EVL: variants seen among roughly 807,000 people sequenced by gnomAD.
The protein encoded by EVL is Enah/Vasp-like, also known as ena/VASP-like protein.
Under a neutral mutation model 59.6 loss-of-function variants are expected in EVL, and 21 were observed. The observed-to-expected ratio is 0.35, with a 90% confidence interval of 0.25 to 0.51. The LOEUF (loss-of-function observed/expected upper bound fraction) is 0.51. Ranked by LOEUF, EVL falls within the 20% of genes least tolerant of loss-of-function variation. The pLI is 0.97. For missense variants in EVL, 462 were observed against 546.6 expected (o/e 0.85, Z 1.54); for synonymous variants, 198 against 203.5 (o/e 0.97, Z 0.23).
chr14:100,072,435 A>G (rs552470428), intron 1 of EVL, among the ~76,000 whole-genome samples: 2 of 152,078 alleles, frequency 1.3e-5, no homozygotes, highest in African/African-American at 2.4e-5. Context: ...GGGTTTCACT[A>G]TGTTGGCCAG....
At chr14:100,064,155 C>T (rs2061885393), upstream of EVL, among the ~76,000 whole-genome samples, 2 of 152,210 alleles carry the variant, frequency 1.3e-5, no homozygotes. Flanking sequence ...AAAGTGCATT[C>T]ATCTCTCCAA....
intron 1 of EVL, among the ~76,000 whole-genome samples, chr14:100,037,227 C>T (rs763917109): frequency 3.9e-5 from 6 of 152,260 alleles, no homozygotes; most frequent in African/African-American, 7.2e-5. Context: ...AAGGGCAGTC[C>T]GTTGAAGAGC....
chr14:100,024,249 T>C (rs1378511793), intron 1 of EVL, among the ~76,000 whole-genome samples: 3 of 152,234 alleles, frequency 2.0e-5, no homozygotes, highest in Non-Finnish European at 2.9e-5. Context: ...TGTGATGGTT[T>C]TTCTTGCCCT....
chr14:100,135,443 A>C (rs560552620), intron 8 of EVL: 2 of 155,732 alleles, frequency 1.3e-5, no homozygotes, highest in Admixed American at 6.3e-5. Context: ...CATGCCATGC[A>C]TGATGAGTGT....
intron 3 of EVL, among the ~76,000 whole-genome samples, chr14:100,117,443 C>T (rs1350233752): frequency 6.6e-6 from 1 of 152,234 alleles, no homozygotes; most frequent in Non-Finnish European, 1.5e-5. Flanking sequence ...CTCTGTGCCC[C>T]GCTTGACCCT....
upstream of EVL, among the ~76,000 whole-genome samples, chr14:100,063,617 C>T (rs926181521): frequency 5.3e-5 from 8 of 152,188 alleles, no homozygotes; most frequent in South Asian, 2.1e-4. Flanking sequence ...ACCTTTCCCT[C>T]AGCAGTTGAT....
At chr14:100,061,086 G>C (rs1221235476), upstream of EVL, among the ~76,000 whole-genome samples, 1 of 151,858 alleles carries the variant, frequency 6.6e-6, no homozygotes, top group Non-Finnish European at 1.5e-5. Context: ...CAACTTACCT[G>C]TTGTACAGAA....
intron 1 of EVL, among the ~76,000 whole-genome samples, chr14:100,050,457 C>T (rs2061629540): frequency 6.6e-6 from 1 of 151,364 alleles, no homozygotes; most frequent in South Asian, 2.1e-4. Context: ...TCACGCCATT[C>T]TCCTGCCTCA....
intron 13 of EVL, among the ~76,000 whole-genome samples, chr14:100,142,785 T>C (rs116815490): frequency 0.058 from 8,871 of 152,272 alleles, 304 homozygotes; most frequent in Non-Finnish European, 0.075. Flanking sequence ...GCCTGGGCGA[T>C]AGGCAGGCAC....
rs1465600595 is a variant in EVL at position 100,038,605 on chromosome 14, T to C, written c.6-46082T>C. Among the ~76,000 whole-genome samples, 3 of 152,056 alleles carry C rather than the reference T, an allele frequency of 2.0e-5. No homozygotes were observed. In the East Asian group the frequency reaches 5.8e-4, roughly 29 times the overall value. On this transcript the variant is annotated intron_variant, in intron 1 of 13. Coordinates refer to the EVL transcript ENST00000402714. ...AACTTCTTTATTTTTAATAAGCTAG[T>C]TTTATTAATTGAAAAATTATTAACT...
At chr14:99,974,255 G>C (rs146368216) in intron 1 of EVL, 86 of 152,088 alleles carry the variant, frequency 5.7e-4, no homozygotes, top group African/African-American at 2.0e-3. Flanking sequence ...TAGAACTCTT[G>C]GTTTGCCATT....
chr14:100,113,844 G>A (rs1370010209), intron 3 of EVL, among the ~76,000 whole-genome samples: 4 of 152,158 alleles, frequency 2.6e-5, no homozygotes, highest in Non-Finnish European at 4.4e-5. Flanking sequence ...AGGGCACCGG[G>A]ACAGGCAAGT....
chr14:99,983,858 ATT>A (rs1285647059), intron 1 of EVL, among the ~76,000 whole-genome samples: 1 of 151,948 alleles, frequency 6.6e-6, no homozygotes, highest in Non-Finnish European at 1.5e-5. Context: ...TTTCCTGTTA[ATT>A]ACCTTTGTGA....
At position 100,132,678 on chromosome 14, in the gene EVL, C is replaced by T. The variant is rs751025079; in HGVS notation, c.840-41C>T. The T allele has an allele frequency of 5.8e-5, 93 of 1,603,244 alleles. No homozygotes were observed. In the Admixed American group the frequency reaches 9.5e-4, roughly 16 times the overall value. On this transcript the variant is annotated intron_variant, in intron 7 of 13. Coordinates refer to ENST00000392920, the MANE Select transcript of EVL (RefSeq NM_016337.3). ...GAAGAGTTCTGGGACAGTGAGAGAA[C>T]GTGAGGAGCTGATCTGTATCTTCCC...
Position 99,972,146 on chromosome 14 carries a change from A to C in EVL, c.5+89A>C. ...GGCCCGCGGTGCCCCCGAGGGCGGG[A>C]GGGGGGCTCCACGGGCGCGGGGGCT... On this transcript the variant is annotated intron_variant, in intron 1 of 13. Coordinates refer to the EVL transcript ENST00000402714. This position sits in a 1 kb window ranked among gnomAD's most constrained non-coding sequence, Gnocchi z 4.4. The C allele has an allele frequency of 1.2e-5, 3 of 249,644 alleles. No individual in the cohort carries two copies. Among genetic ancestry groups the C allele is most frequent in the Non-Finnish European group, 1.5e-5 (2 of 130,726 alleles). 15.5% of individuals were successfully genotyped at this position (249,644 alleles called of 1,614,324 possible).
chr14:100,000,553 T>C (rs1283701494), intron 1 of EVL, among the ~76,000 whole-genome samples: 2 of 152,136 alleles, frequency 1.3e-5, no homozygotes, highest in Non-Finnish European at 2.9e-5. Flanking sequence ...TTCACCGTTT[T>C]AGCCAGAATG....
intron 9 of EVL, chr14:100,137,213 G>A (rs1888853150): frequency 6.7e-6 from 2 of 297,746 alleles, no homozygotes; most frequent in African/African-American, 4.2e-5. Context: ...GCAGGTGCCG[G>A]GCCGAGGGGC....
In EVL at chr14:100,097,475, C is replaced by G. The variant is rs1885898879; in HGVS notation, c.181-6C>G. The G allele has an allele frequency of 6.3e-7, 1 of 1,599,516 alleles. No homozygotes were observed. Among genetic ancestry groups the G allele is most frequent in the Non-Finnish European group, 8.5e-7 (1 of 1,173,646 alleles). On this transcript the variant is annotated splice_region_variant and splice_polypyrimidine_tract_variant and intron_variant, in intron 2 of 13. Coordinates refer to ENST00000392920, the MANE Select transcript of EVL (RefSeq NM_016337.3). The stretch of plus-strand genomic sequence containing the variant: ...TACACGTATTTCTCTCTCCTTTCTC[C>G]TCCAGGTTGTGATCAATTATTCAAT...
chr14:100,081,513 C>CAAA (rs34871876), intron 1 of EVL, among the ~76,000 whole-genome samples: 1 of 122,424 alleles, frequency 8.2e-6, no homozygotes, highest in South Asian at 2.7e-4. Context: ...TTAACAACAG[C>CAAA]AAAAAAAAAA....
Sources: allele counts gnomAD v4.1 joint callset (sites outside exome capture counted in the v4.1 genomes callset), GRCh38; gene constraint gnomAD v4.1.1; non-coding constraint Gnocchi (gnomAD v3.1); transcripts MANE v1.5; gene names NCBI Gene and HGNC (gene_info 2026-07-23, HGNC 2026-07-21).